Variants in TNFSF11 observed in about 807,000 individuals in gnomAD.
TNFSF11 encodes the protein tumor necrosis factor ligand superfamily member 11.
In TNFSF11, 12 loss-of-function variants were observed where a neutral mutation model predicts 32.2. The observed-to-expected ratio is 0.37, with a 90% CI of 0.24 to 0.60. TNFSF11 has a LOEUF of 0.60. Among genes scored for constraint, TNFSF11 ranks in the 20% least tolerant of loss-of-function variants. The pLI is 0.66. For missense variants in TNFSF11, 345 were observed against 398.0 expected, an observed-to-expected ratio of 0.87 and a Z score of 1.13; for synonymous variants, 172 against 152.1, an observed-to-expected ratio of 1.13 and a Z score of -0.96.
At position 42,574,320 on chromosome 13, in the gene TNFSF11, G is replaced by A. The variant is rs1217957752; in HGVS notation, c.17G>A (p.Arg6Lys). MRRASRDYTKYLRGSE... is the reference protein window; with the variant it reads MRRASKDYTKYLRGSE... ...CCGAGCGCCATGCGCCGCGCCAGCA[G>A]AGACTACACCAAGTACCTGCGTGGC... The change falls in exon 1 of 5, where the codon AGA (arginine) becomes AAA (lysine). Residue 6 changes from arginine to lysine, a missense_variant. Arg to Lys is a conservative substitution (Grantham distance 26, BLOSUM62 2). Transcript: ENST00000398795. The A allele has an allele frequency of 9.7e-6, 15 of 1,545,720 alleles. No individual in the cohort carries two copies. Among genetic ancestry groups the A allele is most frequent in the African/African-American group, 1.4e-5 (1 of 72,584 alleles).
At chr13:42,580,475 A>G (rs1176659636) in intron 1 of TNFSF11, among the ~76,000 whole-genome samples, 2 of 152,160 alleles carry the variant, frequency 1.3e-5, no homozygotes, top group African/African-American at 2.4e-5. Context: ...ACCTGCATCC[A>G]TTCCCAAACA....
chr13:42,577,546 T>TGC (rs1873382643), intron 1 of TNFSF11, among the ~76,000 whole-genome samples: 1 of 152,244 alleles, frequency 6.6e-6, no homozygotes, highest in African/African-American at 2.4e-5. Flanking sequence ...TGTGTGTGTG[T>TGC]GCATGTGTAT....
intron 2 of TNFSF11, among the ~76,000 whole-genome samples, chr13:42,595,559 G>A (rs1490057243): frequency 6.6e-6 from 1 of 152,180 alleles, no homozygotes; most frequent in Non-Finnish European, 1.5e-5. Context: ...CCTCAGCCTG[G>A]TAACTGTTTC....
chr13:42,583,201 A>G (rs974231808), intron 2 of TNFSF11, among the ~76,000 whole-genome samples: 1 of 151,968 alleles, frequency 6.6e-6, no homozygotes, highest in Non-Finnish European at 1.5e-5. Flanking sequence ...ACGTGAGTCC[A>G]GGAGTTTGAG....
chr13:42,577,672 A>G (rs1298570049), intron 1 of TNFSF11, among the ~76,000 whole-genome samples: 1 of 152,154 alleles, frequency 6.6e-6, no homozygotes, highest in African/African-American at 2.4e-5. Flanking sequence ...ATCCCCCAAT[A>G]TGCACAAACC....
At chr13:42,570,407 A>T (rs868048408), upstream of TNFSF11, among the ~76,000 whole-genome samples, 1 of 152,202 alleles carries the variant, frequency 6.6e-6, no homozygotes, top group African/African-American at 2.4e-5. Flanking sequence ...CATGAGTCCA[A>T]AATAATTCTA....
intron 1 of TNFSF11, chr13:42,566,560 A>G (rs762616887): frequency 2.0e-5 from 3 of 152,370 alleles, no homozygotes; most frequent in African/African-American, 4.8e-5. Flanking sequence ...TGAAAGATCA[A>G]TTGAAGGGAA....
chr13:42,574,936 G>C (rs1280871582), intron 1 of TNFSF11, among the ~76,000 whole-genome samples: 1 of 152,230 alleles, frequency 6.6e-6, no homozygotes, highest in African/African-American at 2.4e-5. Context: ...GCCTTCACTT[G>C]GGCATCTACC....
chr13:42,567,861 T>C (rs1872924255), intron 2 of TNFSF11, among the ~76,000 whole-genome samples: 1 of 152,214 alleles, frequency 6.6e-6, no homozygotes, highest in Non-Finnish European at 1.5e-5. Context: ...GGGTTTCTTC[T>C]CCCTCTTTCT....
Position 42,574,310 on chromosome 13 carries a change from C to G in TNFSF11, c.7C>G (p.Arg3Gly). ...AGCGAGAGGGCCGAGCGCCATGCGCCGCGCCAGCAGAGACTACACCAAGTA... is the reference window on the plus strand; with the variant it reads ...AGCGAGAGGGCCGAGCGCCATGCGCGGCGCCAGCAGAGACTACACCAAGTA... MR[R>G]ASRDYTKYLR... Residue 3 changes from arginine to glycine, a missense_variant, in exon 1 of 5, where the codon CGC becomes GGC. Arg to Gly is a moderately radical substitution (Grantham distance 125, BLOSUM62 -2). Coordinates refer to ENST00000398795, the MANE Select transcript of TNFSF11 (RefSeq NM_003701.4). The G allele has an allele frequency of 6.5e-7, 1 of 1,545,562 alleles. No homozygotes were observed. The highest frequency in any genetic ancestry group is 8.7e-7 in the Non-Finnish European group (1 of 1,145,800).
chr13:42,603,507 CACTG>C (rs1453399901), intron 4 of TNFSF11, among the ~76,000 whole-genome samples: 1 of 152,192 alleles, frequency 6.6e-6, no homozygotes, highest in Non-Finnish European at 1.5e-5. Context: ...CCTCTCTTCA[CACTG>C]ACTGGCTCTC....
At chr13:42,597,732 G>T (rs1163831496) in intron 2 of TNFSF11, among the ~76,000 whole-genome samples, 1 of 152,224 alleles carries the variant, frequency 6.6e-6, no homozygotes, top group Non-Finnish European at 1.5e-5. Flanking sequence ...CTCTGGGGCT[G>T]GTCCCAGCAG....
chr13:42,583,582 T>C (rs1873740464), intron 2 of TNFSF11, among the ~76,000 whole-genome samples: 1 of 152,028 alleles, frequency 6.6e-6, no homozygotes, highest in Admixed American at 6.5e-5. Flanking sequence ...TTTGCACTAT[T>C]TCTGATGTTT....
chr13:42,594,173 G>A (rs917307082), intron 2 of TNFSF11, among the ~76,000 whole-genome samples: 2 of 150,918 alleles, frequency 1.3e-5, no homozygotes, highest in East Asian at 2.0e-4. Flanking sequence ...TCTGCCTCCC[G>A]GGCTCAAGCG....
exon 2 of TNFSF11, chr13:42,566,715 C>T (rs906457277): frequency 6.6e-6 from 1 of 152,240 alleles, no homozygotes; most frequent in Non-Finnish European, 1.5e-5. Flanking sequence ...AAATAAAGGC[C>T]AGGCGTGGTG....
chr13:42,563,868 T>C (rs1872773719), intron 1 of TNFSF11, among the ~76,000 whole-genome samples: 1 of 152,188 alleles, frequency 6.6e-6, no homozygotes, highest in South Asian at 2.1e-4. Flanking sequence ...AATGAGTTAA[T>C]GTCTTTAATC....
In TNFSF11 at chr13:42,567,036, A is replaced by T. The variant is rs11839430; in HGVS notation, c.-160+274A>T. Among the ~76,000 whole-genome samples the T allele has an allele frequency of 2.2e-3, 331 of 152,102 alleles. 3 individuals are homozygous for T. The highest frequency in any genetic ancestry group is 7.8e-3 in the African/African-American group (322 of 41,514). On this transcript the variant is annotated intron_variant, in intron 2 of 6. Transcript: ENST00000358545. ...AAATAAATAAATAAAATGAAACTGCAAGTTAAACAATGTATTATAGAAGAC... is the reference window on the plus strand; with the variant it reads ...AAATAAATAAATAAAATGAAACTGCTAGTTAAACAATGTATTATAGAAGAC...
chr13:42,591,065 G>A (rs1045421158), intron 2 of TNFSF11, among the ~76,000 whole-genome samples: 1 of 152,158 alleles, frequency 6.6e-6, no homozygotes, highest in Admixed American at 6.5e-5. Flanking sequence ...TCTTGGTAAA[G>A]TTTTTCACTG....
At chr13:42,564,374 C>T (rs1300965104) in intron 1 of TNFSF11, among the ~76,000 whole-genome samples, 1 of 152,120 alleles carries the variant, frequency 6.6e-6, no homozygotes, top group Non-Finnish European at 1.5e-5. Context: ...TCGAGACCAG[C>T]CTGACCAATA....
Sources: allele counts gnomAD v4.1 joint callset (sites outside exome capture counted in the v4.1 genomes callset), GRCh38; gene constraint gnomAD v4.1.1; transcripts MANE v1.5; gene names NCBI Gene and HGNC (gene_info 2026-07-23, HGNC 2026-07-21).